MAF: variants seen among roughly 807,000 people sequenced by gnomAD.
MAF encodes MAF bZIP transcription factor.
A neutral mutation model predicts 22.0 loss-of-function variants in MAF; 10 were observed. The observed-to-expected ratio is 0.45, with a 90% confidence interval of 0.28 to 0.77. The LOEUF is 0.77. MAF is among the 30% of genes least tolerant of loss of function. MAF has a pLI of 0.12. For missense variants in MAF, 544 were observed against 548.4 expected, an observed-to-expected ratio of 0.99 and a Z score of 0.08; for synonymous variants, 337 against 255.8, an observed-to-expected ratio of 1.32 and a Z score of -3.03.
chr16:79,412,306 C>A, the MAF span, among the ~76,000 whole-genome samples: 1 of 152,062 alleles, frequency 6.6e-6, no homozygotes, highest in Non-Finnish European at 1.5e-5. Flanking sequence ...TACCGTGGTA[C>A]CAGGTATGTG....
chr16:79,269,372 A>G, the MAF span, among the ~76,000 whole-genome samples: 1 of 152,284 alleles, frequency 6.6e-6, no homozygotes, highest in South Asian at 2.1e-4. Flanking sequence ...GTAGGTTTAC[A>G]GGTGTCACCA....
chr16:79,408,191 G>C, the MAF span, among the ~76,000 whole-genome samples: 3 of 145,656 alleles, frequency 2.1e-5, no homozygotes, highest in Admixed American at 1.4e-4. Flanking sequence ...TCTTTTCTTT[G>C]TTTGAGATGG....
At chr16:79,279,585 G>A in the MAF span, among the ~76,000 whole-genome samples, 1 of 152,080 alleles carries the variant, frequency 6.6e-6, no homozygotes, top group Non-Finnish European at 1.5e-5. Flanking sequence ...TGGAGAGAGG[G>A]ACATTCAAGC....
chr16:79,435,267 T>C, the MAF span, among the ~76,000 whole-genome samples: 2 of 151,406 alleles, frequency 1.3e-5, no homozygotes, highest in African/African-American at 2.4e-5. Context: ...CACACACACA[T>C]ATTCACAACC....
the MAF span, among the ~76,000 whole-genome samples, chr16:79,489,350 CATCCATCCATCT>C: frequency 6.6e-6 from 1 of 152,194 alleles, no homozygotes; most frequent in South Asian, 2.1e-4. Context: ...TCTATTTATC[CATCCATCCATCT>C]ATCCATCCAT....
the MAF span, among the ~76,000 whole-genome samples, chr16:79,548,791 C>G: frequency 1.3e-5 from 2 of 152,094 alleles, no homozygotes; most frequent in Admixed American, 1.3e-4. Flanking sequence ...AGAAAAAGAC[C>G]CTGAGTCCCA....
chr16:79,453,826 C>G, the MAF span, among the ~76,000 whole-genome samples: 1 of 152,126 alleles, frequency 6.6e-6, no homozygotes, highest in Non-Finnish European at 1.5e-5. Context: ...ATAGGTATTC[C>G]TTTCTTAAAG....
At chr16:79,385,443 C>G in the MAF span, among the ~76,000 whole-genome samples, 6,460 of 152,070 alleles carry the variant, frequency 0.042, 274 homozygotes, top group East Asian at 0.18. Flanking sequence ...TCTGCCTGTT[C>G]TCTATGTAAG....
chr16:79,594,587 T>A, intron 1 of MAF, 34 bp from the exon 2 acceptor site: 1 of 1,552,706 alleles, frequency 6.4e-7, no homozygotes, highest in African/African-American at 1.4e-5. Context: ...TTAACACTAT[T>A]TAGACAAAGA....
At chr16:79,448,592 A>T in the MAF span, among the ~76,000 whole-genome samples, 4 of 151,738 alleles carry the variant, frequency 2.6e-5, no homozygotes, top group Non-Finnish European at 5.9e-5. Context: ...TGCCCAGTTA[A>T]TTTTTTGTAT....
chr16:79,362,175 A>G, the MAF span, among the ~76,000 whole-genome samples: 1 of 152,186 alleles, frequency 6.6e-6, no homozygotes, highest in Non-Finnish European at 1.5e-5. Context: ...TGTGAGAATT[A>G]AGTTAGTTAA....
chr16:79,372,556 G>T, the MAF span, among the ~76,000 whole-genome samples: 1 of 152,206 alleles, frequency 6.6e-6, no homozygotes, highest in Non-Finnish European at 1.5e-5. Context: ...AAACCTAGGA[G>T]AGACGCTGTA....
the MAF span, among the ~76,000 whole-genome samples, chr16:79,413,592 A>C: frequency 6.6e-6 from 1 of 151,934 alleles, no homozygotes; most frequent in African/African-American, 2.4e-5. Context: ...TCTCTCTTTA[A>C]CCAGGGATAA....
At chr16:79,584,576 AATGG>A (rs1912726429), downstream of MAF, among the ~76,000 whole-genome samples, 1 of 152,194 alleles carries the variant, frequency 6.6e-6, no homozygotes, top group African/African-American at 2.4e-5. Context: ...CTTTGCTGAA[AATGG>A]ATGGTTTCAA....
At chr16:79,216,160 GTA>G in the MAF span, among the ~76,000 whole-genome samples, 2 of 141,364 alleles carry the variant, frequency 1.4e-5, no homozygotes, top group Non-Finnish European at 3.1e-5. Context: ...ATCTGTATAT[GTA>G]TGTCGTGCAC....
At chr16:79,539,374 G>T in the MAF span, among the ~76,000 whole-genome samples, 1 of 152,074 alleles carries the variant, frequency 6.6e-6, no homozygotes, top group South Asian at 2.1e-4. Flanking sequence ...TTGGTGGCAT[G>T]CACCTGTAAT....
At chr16:79,469,740 G>C in the MAF span, among the ~76,000 whole-genome samples, 1 of 152,062 alleles carries the variant, frequency 6.6e-6, no homozygotes, top group Non-Finnish European at 1.5e-5. Context: ...GGGATTACAG[G>C]TGCCCGCCAC....
the MAF span, among the ~76,000 whole-genome samples, chr16:79,356,608 T>A: frequency 6.6e-6 from 1 of 152,176 alleles, no homozygotes; most frequent in Non-Finnish European, 1.5e-5. Flanking sequence ...TTTGCCCAGC[T>A]CTTTCCTTCA....
At chr16:79,298,390 C>G in the MAF span, among the ~76,000 whole-genome samples, 1 of 152,342 alleles carries the variant, frequency 6.6e-6, no homozygotes, top group East Asian at 1.9e-4. Context: ...GCACTTTCTT[C>G]GCTGGGGATT....
Sources: allele counts gnomAD v4.1 joint callset (sites outside exome capture counted in the v4.1 genomes callset), GRCh38; gene constraint gnomAD v4.1.1; transcripts MANE v1.5; gene names NCBI Gene and HGNC (gene_info 2026-07-23, HGNC 2026-07-21).